Variants in TCF3 observed in about 807,000 individuals in gnomAD.
TCF3 encodes transcription factor 3, also known as transcription factor E2-alpha.
In TCF3, 54 loss-of-function variants were observed where a neutral mutation model predicts 72.3. The observed-to-expected ratio is 0.75, with a 90% CI of 0.60 to 0.94. TCF3 has a LOEUF of 0.94. TCF3 is among the 40% of genes least tolerant of loss of function. The pLI, the probability that TCF3 is intolerant of heterozygous loss-of-function variation, is 0.00. For synonymous variants in TCF3, 525 were observed against 412.6 expected (o/e 1.27, Z -3.30); for missense variants, 1,078 against 934.4 (o/e 1.15, Z -2.00).
chr19:1,620,371 G>A (rs747809510), intron 13 of TCF3, among the ~76,000 whole-genome samples: 12 of 152,056 alleles, frequency 7.9e-5, no homozygotes, highest in South Asian at 2.1e-4. Flanking sequence ...GACCCCCTGC[G>A]GATAAGCAAG....
Position 1,633,070 on chromosome 19 carries a change from G to A in TCF3, c.146-665C>T, listed in dbSNP as rs550951318. On this transcript the variant is annotated intron_variant, in intron 3 of 18. Coordinates refer to ENST00000262965, the MANE Select transcript of TCF3 (RefSeq NM_003200.5). ...AGGAGTTCCCGGCGCAGCAAGGGAC[G>A]GGACGAGGACCTTGGTCCCGGGGCG... Among the ~76,000 whole-genome samples, 169 of 152,198 alleles carry A rather than the reference G, an allele frequency of 1.1e-3. 6 individuals are homozygous for A. In the South Asian group the frequency reaches 0.03, roughly 27 times the overall value.
rs1140828 is a variant in TCF3, at chr19:1,619,334, G to A, written c.1308C>T (p.Gly436=). The A allele has an allele frequency of 0.32, 497,652 of 1,576,022 alleles. 81,408 individuals are homozygous for A. Among genetic ancestry groups the A allele is most frequent in the Non-Finnish European group, 0.34 (393,530 of 1,166,590 alleles). ...CGCTCACCAGGCCTGCGTGCCGCCC[G>A]CCCAGTGACATGGGGCCGGTGAAAC... is the stretch of plus-strand genomic sequence containing the variant. The part of the protein sequence containing the change: ...ASGFTGPMSL[G]GRHAGLVGGS... The change falls in exon 15 of 19, where the codon GGC becomes GGT. Residue 436 remains glycine, a synonymous_variant. Coordinates refer to ENST00000262965, the MANE Select transcript of TCF3 (RefSeq NM_003200.5).
At chr19:1,641,573 C>G (rs2065248839) in intron 3 of TCF3, among the ~76,000 whole-genome samples, 1 of 152,134 alleles carries the variant, frequency 6.6e-6, no homozygotes, top group East Asian at 1.9e-4. Flanking sequence ...GTGTCTCAGC[C>G]TCCCGAGTAG....
intron 3 of TCF3, among the ~76,000 whole-genome samples, chr19:1,634,015 C>A (rs992220281): frequency 7.9e-5 from 12 of 152,234 alleles, no homozygotes; most frequent in Non-Finnish European, 1.6e-4. Flanking sequence ...CCCTCATCCC[C>A]TGGAAGGCCT....
chr19:1,621,202 A>G lies in TCF3; in HGVS notation c.956-11T>C. 1 of 1,534,598 alleles carries G rather than the reference A, an allele frequency of 6.5e-7. No homozygotes were observed. The highest frequency in any genetic ancestry group is 1.4e-5 in the African/African-American group (1 of 73,122). ...TGGTCCCTCGGGAGCCTGTGGGTGAAGAGAGGTGAGGCCCACGCAGCCCGG... is the reference window on the plus strand; with the variant it reads ...TGGTCCCTCGGGAGCCTGTGGGTGAGGAGAGGTGAGGCCCACGCAGCCCGG... On this transcript the variant is annotated splice_polypyrimidine_tract_variant and intron_variant, in intron 11 of 18. Coordinates refer to ENST00000262965, the MANE Select transcript of TCF3 (RefSeq NM_003200.5).
Position 1,619,448 on chromosome 19 carries a change from G to A in TCF3, c.1194C>T (p.Asp398=), listed in dbSNP as rs748946583. 20 of 1,587,340 alleles carry A rather than the reference G, an allele frequency of 1.3e-5. No individual in the cohort carries two copies. Among genetic ancestry groups the A allele is most frequent in the Middle Eastern group, 2.2e-4 (1 of 4,476 alleles). Residue 398 remains aspartate, a synonymous_variant, in exon 15 of 19, where the codon GAC becomes GAT. Coordinates refer to ENST00000262965, the MANE Select transcript of TCF3 (RefSeq NM_003200.5). ...GLQSKIEDHL[D]EAIHVLRSHA... The stretch of plus-strand genomic sequence containing the variant: ...GGCTGCGGAGCACGTGGATGGCCTC[G>A]TCCAGGTGGTCTTCTATCTTACTCT...
At chr19:1,640,306 C>A (rs8102951) in intron 3 of TCF3, among the ~76,000 whole-genome samples, 7,667 of 151,964 alleles carry the variant, frequency 0.05, 593 homozygotes, top group East Asian at 0.4. Context: ...GAGGCCGAGG[C>A]GGGAGGATCA....
At chr19:1,617,982 C>T (rs967552947) in intron 16 of TCF3, among the ~76,000 whole-genome samples, 1 of 152,168 alleles carries the variant, frequency 6.6e-6, no homozygotes, top group East Asian at 1.9e-4. Context: ...CTTGGAAAGT[C>T]TGCCTGGAAA....
At chr19:1,633,017 G>C (rs2063899121) in intron 3 of TCF3, among the ~76,000 whole-genome samples, 2 of 152,072 alleles carry the variant, frequency 1.3e-5, no homozygotes, top group Non-Finnish European at 2.9e-5. Context: ...AACAAGCCCA[G>C]TGTGGAGACC....
At chr19:1,633,236 G>C (rs746379739) in intron 3 of TCF3, among the ~76,000 whole-genome samples, 6 of 152,336 alleles carry the variant, frequency 3.9e-5, no homozygotes, top group Non-Finnish European at 8.8e-5. Context: ...GGAGAAGCAG[G>C]AGCGGGCCCT....
At position 1,632,096 on chromosome 19, in the gene TCF3, G is replaced by A; in HGVS notation, c.240C>T (p.His80=). ...AGAGGCTGCTGTGCGACTCAGTGAA[G>A]TGGGTGCCCTCGCTGAAGGTCTAGG... ...DPSRTFSEGT[H]FTESHSSLSS... Residue 80 remains histidine (H), a synonymous_variant, in exon 5 of 19, where the codon CAC becomes CAT. Transcript: ENST00000262965. 1 of 1,613,412 alleles carries A rather than the reference G, an allele frequency of 6.2e-7. No homozygotes were observed. Among genetic ancestry groups the A allele is most frequent in the Non-Finnish European group, 8.5e-7 (1 of 1,179,826 alleles).
At chr19:1,625,520 T>C (rs1189353846) in intron 7 of TCF3, 56 bp downstream of exon 7, 3 of 1,492,212 alleles carry the variant, frequency 2.0e-6, no homozygotes, top group Non-Finnish European at 2.7e-6. Flanking sequence ...GCCTCCTACC[T>C]CCCTTTGCAG....
chr19:1,651,814 G>A (rs1288320911), intron 1 of TCF3, among the ~76,000 whole-genome samples: 5 of 121,830 alleles, frequency 4.1e-5, no homozygotes, highest in African/African-American at 6.1e-5. Flanking sequence ...CCCCCGGCCC[G>A]CCCGGCCCCG....
intron 3 of TCF3, among the ~76,000 whole-genome samples, chr19:1,637,456 G>C (rs1049620412): frequency 6.6e-6 from 1 of 152,230 alleles, no homozygotes; most frequent in Non-Finnish European, 1.5e-5. Flanking sequence ...ATCGAGCACA[G>C]ATGTTAAGTA....
At chr19:1,627,120 G>A (rs1038434449) in intron 6 of TCF3, among the ~76,000 whole-genome samples, 5 of 152,172 alleles carry the variant, frequency 3.3e-5, no homozygotes, top group African/African-American at 4.8e-5. Flanking sequence ...GAGGGCAACC[G>A]AGCCCCTCCA....
intron 7 of TCF3, among the ~76,000 whole-genome samples, 182 bp from the exon 8 acceptor site, chr19:1,624,182 G>A (rs980119160): frequency 1.3e-5 from 2 of 152,200 alleles, no homozygotes; most frequent in Admixed American, 1.3e-4. Flanking sequence ...CAGATCACGA[G>A]GTCAAGAGAT....
intron 18 of TCF3, chr19:1,612,508 G>A (rs569825847): frequency 1.0e-5 from 14 of 1,402,628 alleles, no homozygotes; most frequent in Non-Finnish European, 1.3e-5. Context: ...GTTGTGGAGA[G>A]GGTATCCAGC....
chr19:1,632,118 T>C lies in TCF3; in HGVS notation c.220-2A>G. The stretch of plus-strand genomic sequence containing the variant: ...GAAGTGGGTGCCCTCGCTGAAGGTC[T>C]AGGGGAGATGGGGTGGGGATGAGAG... On this transcript the variant is annotated splice_acceptor_variant, in intron 4 of 18. Coordinates refer to ENST00000262965, the MANE Select transcript of TCF3 (RefSeq NM_003200.5). LOFTEE classifies it high-confidence loss of function. The C allele has an allele frequency of 6.2e-7, 1 of 1,612,682 alleles. No homozygotes were observed. Among genetic ancestry groups the C allele is most frequent in the Non-Finnish European group, 8.5e-7 (1 of 1,179,448 alleles).
intron 3 of TCF3, among the ~76,000 whole-genome samples, chr19:1,633,680 TG>T (rs1184712484): frequency 6.6e-6 from 1 of 152,018 alleles, no homozygotes; most frequent in South Asian, 2.1e-4. Context: ...TGATTATGAG[TG>T]GGGGGCTGGG....
Sources: gnomAD v4.1 joint callset for allele counts (sites outside exome capture counted in the v4.1 genomes callset) on GRCh38, gnomAD v4.1.1 for gene constraint, MANE v1.5 for transcripts, NCBI Gene and HGNC (gene_info 2026-07-23, HGNC 2026-07-21) for gene names.